Variants in RYR2 observed in about 807,000 individuals in gnomAD.
The protein encoded by RYR2 is cardiac muscle ryanodine receptor-calcium release channel.
A neutral mutation model predicts 601.1 loss-of-function variants in RYR2; 227 were observed. The observed-to-expected ratio is 0.38, with a 90% CI of 0.34 to 0.42. RYR2 has a LOEUF of 0.42. RYR2 is among the 10% of genes least tolerant of loss of function. The pLI is 1.00. For synonymous variants in RYR2, 2,223 were observed against 2,175.1 expected (o/e 1.02, Z -0.61); for missense variants, 4,646 against 6,156.5 (o/e 0.75, Z 8.21).
At chr1:237,423,708 G>A (rs956559841) in intron 12 of RYR2, among the ~76,000 whole-genome samples, 9 of 152,074 alleles carry the variant, frequency 5.9e-5, no homozygotes, top group East Asian at 1.9e-4. Context: ...TACAGTGTGA[G>A]GATAAAGCAC....
rs1685759686 is a variant in RYR2 at position 237,680,320 on chromosome 1, A to G, written c.8896-136A>G. ...GTAGAGTGAGATTTAAGAGAGGCAT[A>G]CTATGACGTGCCTGGCATGGACATA... On this transcript the variant is annotated intron_variant, in intron 61 of 104. Coordinates refer to ENST00000366574, the MANE Select transcript of RYR2 (RefSeq NM_001035.3). 3 of 598,656 alleles carry G rather than the reference A, an allele frequency of 5.0e-6. No homozygotes were observed. In the East Asian group the frequency reaches 8.3e-5, roughly 17 times the overall value. 37.1% of individuals were successfully genotyped at this position (598,656 alleles called of 1,614,324 possible). A position where few individuals can be genotyped will look rare whatever the true frequency, so the allele number is the denominator to read the frequency against.
At chr1:237,707,396 A>T in intron 68 of RYR2, 127 bp downstream of exon 68, 1 of 531,456 alleles carries the variant, frequency 1.9e-6, no homozygotes, top group African/African-American at 1.9e-5. Flanking sequence ...AAATATTAGT[A>T]TTTGTCATGC....
chr1:237,778,871 T>C (rs1573912181), intron 88 of RYR2, 101 bp downstream of exon 88: 1 of 598,344 alleles, frequency 1.7e-6, no homozygotes, highest in East Asian at 2.8e-5. Context: ...ATTATCTTTT[T>C]AAAATCACTT....
intron 1 of RYR2, among the ~76,000 whole-genome samples, chr1:237,081,571 T>A (rs986478234): frequency 2.0e-5 from 3 of 152,006 alleles, no homozygotes; most frequent in Non-Finnish European, 4.4e-5. Flanking sequence ...ACATTTCTCA[T>A]GCATTTATGT....
At chr1:237,508,992 T>A (rs913224766) in intron 23 of RYR2, among the ~76,000 whole-genome samples, 1 of 152,008 alleles carries the variant, frequency 6.6e-6, no homozygotes, top group Non-Finnish European at 1.5e-5. Context: ...TCCGCCCGCC[T>A]CGGCCTCCCA....
intron 29 of RYR2, among the ~76,000 whole-genome samples, chr1:237,583,382 CCTT>C (rs1442060121): frequency 1.3e-5 from 2 of 152,086 alleles, no homozygotes; most frequent in African/African-American, 4.8e-5. Context: ...TGTAGATTGT[CCTT>C]CTCAGCATTC....
chr1:237,645,650 C>T (rs931974318), intron 48 of RYR2, among the ~76,000 whole-genome samples: 93 of 152,182 alleles, frequency 6.1e-4, no homozygotes, highest in African/African-American at 2.1e-3. Context: ...TCGTTTCCTC[C>T]AGTCATCTGC....
At chr1:237,533,446 C>T (rs1198295277) in intron 25 of RYR2, among the ~76,000 whole-genome samples, 1 of 151,976 alleles carries the variant, frequency 6.6e-6, no homozygotes, top group African/African-American at 2.4e-5. Flanking sequence ...GACGAGCAGG[C>T]AAACTATCAT....
intron 13 of RYR2, among the ~76,000 whole-genome samples, chr1:237,442,154 G>A (rs980100114): frequency 3.9e-5 from 6 of 152,190 alleles, no homozygotes; most frequent in Non-Finnish European, 1.5e-5. Context: ...AGAATTATGA[G>A]CCAGGGTGAG....
intron 1 of RYR2, among the ~76,000 whole-genome samples, chr1:237,044,074 A>G (rs1418183209): frequency 6.6e-6 from 1 of 152,314 alleles, no homozygotes. Flanking sequence ...TTTTTGAAGT[A>G]CTGTTGGCCC....
At chr1:237,409,275 A>G (rs1488272055) in intron 10 of RYR2, among the ~76,000 whole-genome samples, 1 of 152,100 alleles carries the variant, frequency 6.6e-6, no homozygotes. Flanking sequence ...ATGATTGAGT[A>G]TGGTGTTGGC....
chr1:237,726,644 C>T (rs1690220139), intron 75 of RYR2, among the ~76,000 whole-genome samples: 1 of 151,706 alleles, frequency 6.6e-6, no homozygotes, highest in Admixed American at 6.6e-5. Flanking sequence ...TTAGCTCTTA[C>T]AATAAAATTA....
intron 61 of RYR2, among the ~76,000 whole-genome samples, chr1:237,679,872 A>G (rs553748607): frequency 4.8e-4 from 73 of 152,324 alleles, no homozygotes; most frequent in African/African-American, 1.7e-3. Context: ...GTACGAGGCC[A>G]GGTGATGTGA....
intron 58 of RYR2, among the ~76,000 whole-genome samples, chr1:237,673,617 A>G (rs1306158411): frequency 2.6e-5 from 4 of 152,134 alleles, no homozygotes; most frequent in African/African-American, 7.2e-5. Context: ...ACTATGAAGT[A>G]CTCTCTGATC....
Position 237,107,670 on chromosome 1 carries a change from G to A in RYR2, c.48+65101G>A, listed in dbSNP as rs540488081. Among the ~76,000 whole-genome samples, 9 of 152,118 alleles carry A rather than the reference G, an allele frequency of 5.9e-5. No individual in the cohort carries two copies. In the South Asian group the frequency reaches 6.2e-4, roughly 10 times the overall value. On this transcript the variant is annotated intron_variant, in intron 1 of 104. Coordinates refer to ENST00000366574, the MANE Select transcript of RYR2 (RefSeq NM_001035.3). The stretch of plus-strand genomic sequence containing the variant: ...TCAGAGTTGGTGACTTCCATCTCCC[G>A]TGGAAGATGCCTCTGAGTCCACTCA...
chr1:237,495,120 A>G (rs1663925390), intron 19 of RYR2, among the ~76,000 whole-genome samples: 1 of 152,092 alleles, frequency 6.6e-6, no homozygotes, highest in African/African-American at 2.4e-5. Context: ...TAATATACAT[A>G]TATACTTATT....
intron 56 of RYR2, 100 bp from the exon 57 acceptor site, chr1:237,666,412 C>A: frequency 1.0e-6 from 1 of 986,926 alleles, no homozygotes; most frequent in Non-Finnish European, 1.5e-6. Flanking sequence ...TCTAAGGAAA[C>A]ACTATGTTTG....
intron 33 of RYR2, among the ~76,000 whole-genome samples, chr1:237,595,124 TA>T (rs146780672): frequency 1.3e-5 from 2 of 151,358 alleles, no homozygotes; most frequent in Non-Finnish European, 2.9e-5. Flanking sequence ...AAAAAAAAGC[TA>T]AAAAAAATCC....
chr1:237,368,627 C>T (rs1700386638), intron 5 of RYR2, among the ~76,000 whole-genome samples: 3 of 152,008 alleles, frequency 2.0e-5, no homozygotes, highest in Admixed American at 2.0e-4. Flanking sequence ...GTGGTAAGGG[C>T]CAGGAATCTG....
Sources: allele counts gnomAD v4.1 joint callset (sites outside exome capture counted in the v4.1 genomes callset), GRCh38; gene constraint gnomAD v4.1.1; transcripts MANE v1.5; gene names NCBI Gene and HGNC (gene_info 2026-07-23, HGNC 2026-07-21).